The following DAB2IP variants were observed in gnomAD, a reference collection of about 807,000 sequenced individuals.
DAB2IP encodes the protein disabled homolog 2-interacting protein.
In DAB2IP, 28 loss-of-function variants were observed where a neutral mutation model predicts 107.2. That is an observed-to-expected ratio of 0.26 (90% CI 0.19 to 0.36). The LOEUF is 0.36. Ranked by LOEUF, DAB2IP falls within the 10% of genes least tolerant of loss-of-function variation. The pLI is 1.00. For missense variants in DAB2IP, 1,400 were observed against 1,644.7 expected (o/e 0.85, Z 2.57); for synonymous variants, 755 against 706.4 (o/e 1.07, Z -1.09).
At chr9:121,694,186 G>T (rs939259058) in intron 2 of DAB2IP, among the ~76,000 whole-genome samples, 8 of 152,146 alleles carry the variant, frequency 5.3e-5, no homozygotes, top group African/African-American at 1.2e-4. Flanking sequence ...GATCAGAGCT[G>T]TCCATCTGTT....
intron 8 of DAB2IP, among the ~76,000 whole-genome samples, chr9:121,766,225 C>T (rs1834265228): frequency 2.0e-5 from 3 of 152,230 alleles, no homozygotes; most frequent in African/African-American, 4.8e-5. Context: ...TGCCTCCTCC[C>T]ATCCCACCTG....
chr9:121,768,637 C>T lies in DAB2IP; in HGVS notation c.1899+4C>T. 6.2e-7 allele frequency: 1 copy of T among 1,613,332 alleles called. No individual in the cohort carries two copies. The stretch of plus-strand genomic sequence containing the variant: ...GGCCGTCAGCCAGCTGGAGCAGGTG[C>T]CTGTTGCCGTGGGGCGGAGGTGGGG... On this transcript the variant is annotated splice_donor_region_variant and intron_variant, in intron 10 of 15. Coordinates refer to ENST00000408936, the Ensembl canonical transcript of DAB2IP.
chr9:121,746,475 G>C (rs955750271), intron 3 of DAB2IP, among the ~76,000 whole-genome samples: 1 of 152,140 alleles, frequency 6.6e-6, no homozygotes, highest in East Asian at 1.9e-4. Flanking sequence ...GGGGCTCTGC[G>C]GACAAATGGC....
chr9:121,689,426 T>C (rs10985354), intron 2 of DAB2IP, among the ~76,000 whole-genome samples: 95,164 of 151,932 alleles, frequency 0.63, 32,237 homozygotes, highest in African/African-American at 0.9. Context: ...AATCCTCTCC[T>C]AAAATGGTGC....
At chr9:121,632,999 G>A (rs1444360746) in intron 1 of DAB2IP, among the ~76,000 whole-genome samples, 1 of 152,224 alleles carries the variant, frequency 6.6e-6, no homozygotes, top group Non-Finnish European at 1.5e-5. Flanking sequence ...ACCCTGCTCA[G>A]CTTCCCTCTC....
chr9:121,774,360 C>A (rs745997669), exon 13 of DAB2IP: 2 of 1,612,848 alleles, frequency 1.2e-6, no homozygotes, highest in Non-Finnish European at 1.7e-6. Context: ...GGCCCAGACC[C>A]CCCCCACAGG....
chr9:121,741,760 T>G (rs1452835493), intron 3 of DAB2IP, among the ~76,000 whole-genome samples: 1 of 151,442 alleles, frequency 6.6e-6, no homozygotes, highest in Non-Finnish European at 1.5e-5. Flanking sequence ...CCAGCTATCC[T>G]GGGGCAGCTT....
At chr9:121,762,194 G>T (rs530171048) in intron 6 of DAB2IP, among the ~76,000 whole-genome samples, 1 of 152,330 alleles carries the variant, frequency 6.6e-6, no homozygotes, top group East Asian at 1.9e-4. Flanking sequence ...ACTTGGACCA[G>T]ATCTGGCCCC....
chr9:121,766,374 G>A (rs1306997233), intron 8 of DAB2IP, 120 bp from the exon 9 acceptor site: 1 of 888,646 alleles, frequency 1.1e-6, no homozygotes, highest in African/African-American at 1.6e-5. Context: ...CAGACAGCGG[G>A]GCTGACCTCA....
chr9:121,584,317 C>G (rs1230378092), intron 1 of DAB2IP, among the ~76,000 whole-genome samples: 1 of 151,966 alleles, frequency 6.6e-6, no homozygotes, highest in Non-Finnish European at 1.5e-5. Context: ...GGTTCTGGAT[C>G]ACTTGAGCCC....
chr9:121,649,816 G>A (rs1410800200), upstream of DAB2IP, among the ~76,000 whole-genome samples: 2 of 152,206 alleles, frequency 1.3e-5, no homozygotes, highest in South Asian at 2.1e-4. Flanking sequence ...CTGTGTGTGC[G>A]CTCTGTCCAG....
intron 3 of DAB2IP, among the ~76,000 whole-genome samples, chr9:121,753,770 G>A (rs1199963706): frequency 6.6e-6 from 1 of 152,222 alleles, no homozygotes; most frequent in Non-Finnish European, 1.5e-5. Context: ...ATCCCTTCCT[G>A]GGAGTGGAAT....
At chr9:121,690,492 GA>G (rs1300785741) in intron 2 of DAB2IP, among the ~76,000 whole-genome samples, 1 of 152,174 alleles carries the variant, frequency 6.6e-6, no homozygotes, top group Non-Finnish European at 1.5e-5. Flanking sequence ...TAGCCATCCA[GA>G]CCTCTGGGAC....
intron 1 of DAB2IP, among the ~76,000 whole-genome samples, chr9:121,676,264 A>C (rs1478312931): frequency 6.6e-6 from 1 of 152,146 alleles, no homozygotes; most frequent in Non-Finnish European, 1.5e-5. Flanking sequence ...ATGGCCTGGA[A>C]AGCACACAGT....
chr9:121,588,418 GTCC>G (rs1830351021), intron 1 of DAB2IP, among the ~76,000 whole-genome samples: 1 of 151,752 alleles, frequency 6.6e-6, no homozygotes, highest in Non-Finnish European at 1.5e-5. Context: ...AGTGCTTCCC[GTCC>G]TCCTCATCCC....
intron 3 of DAB2IP, among the ~76,000 whole-genome samples, chr9:121,712,028 G>A (rs1352187925): frequency 6.6e-6 from 1 of 152,236 alleles, no homozygotes; most frequent in African/African-American, 2.4e-5. Context: ...TGTCCTTGCT[G>A]GGAGCAAAGT....
intron 1 of DAB2IP, among the ~76,000 whole-genome samples, chr9:121,576,651 G>A (rs1309179269): frequency 6.6e-6 from 1 of 152,176 alleles, no homozygotes; most frequent in Admixed American, 6.6e-5. Context: ...GGGGAGGCTG[G>A]GTGGGTAAAG....
At chr9:121,683,477 A>G (rs1023372106) in intron 2 of DAB2IP, among the ~76,000 whole-genome samples, 3 of 152,138 alleles carry the variant, frequency 2.0e-5, no homozygotes, top group Non-Finnish European at 2.9e-5. Context: ...TTGACAGCCA[A>G]TTGATTCCTC....
At chr9:121,738,121 G>T (rs1832058531) in intron 3 of DAB2IP, among the ~76,000 whole-genome samples, 1 of 152,216 alleles carries the variant, frequency 6.6e-6, no homozygotes, top group Non-Finnish European at 1.5e-5. Flanking sequence ...CACCTGGAAG[G>T]TGGGTGTCCA....
Sources: gnomAD v4.1 joint callset for allele counts (sites outside exome capture counted in the v4.1 genomes callset) on GRCh38, gnomAD v4.1.1 for gene constraint, MANE v1.5 for transcripts, NCBI Gene and HGNC (gene_info 2026-07-23, HGNC 2026-07-21) for gene names.